The following MSRA variants were observed in gnomAD, a reference collection of about 807,000 sequenced individuals.
MSRA encodes the protein methionine sulfoxide reductase A.
A neutral mutation model predicts 31.3 loss-of-function variants in MSRA; 54 were observed. The observed-to-expected ratio is 1.73, with a 90% CI of 1.39 to 2.17. MSRA has a LOEUF of 2.17. Ranked by LOEUF, MSRA falls within the 30% of genes most tolerant of loss-of-function variation. The pLI is 0.00. For missense variants in MSRA, 507 were observed against 300.9 expected, an observed-to-expected ratio of 1.69 and a Z score of -5.07; for synonymous variants, 169 against 116.5, an observed-to-expected ratio of 1.45 and a Z score of -2.90.
intron 3 of MSRA, among the ~76,000 whole-genome samples, chr8:10,251,435 G>A (rs181863536): frequency 6.6e-6 from 1 of 152,138 alleles, no homozygotes; most frequent in East Asian, 1.9e-4. Flanking sequence ...TGTCAGTCAA[G>A]GTAAATTACT....
chr8:10,183,831 G>T (rs960764546), intron 1 of MSRA, among the ~76,000 whole-genome samples: 2 of 151,726 alleles, frequency 1.3e-5, no homozygotes, highest in Admixed American at 1.3e-4. Flanking sequence ...TGCTGCTGCT[G>T]GTGGTATTGG....
intron 2 of MSRA, among the ~76,000 whole-genome samples, chr8:10,227,066 C>T (rs59910171): frequency 6.6e-6 from 1 of 152,072 alleles, no homozygotes; most frequent in Non-Finnish European, 1.5e-5. Flanking sequence ...TGGGGAGCAG[C>T]TGTGGCTCCA....
chr8:10,178,134 A>G (rs1806215186), intron 1 of MSRA, among the ~76,000 whole-genome samples: 1 of 152,234 alleles, frequency 6.6e-6, no homozygotes, highest in Admixed American at 6.5e-5. Flanking sequence ...TCTTATTTGT[A>G]AAGAGGCTGC....
At position 10,245,033 on chromosome 8, in the gene MSRA, T is replaced by G. The variant is rs1321659270; in HGVS notation, c.212-71T>G. On this transcript the variant is annotated intron_variant, in intron 2 of 5. Coordinates refer to ENST00000317173, the MANE Select transcript of MSRA (RefSeq NM_012331.5). ...TTTTTTTTTCTTCATGTAACAGGTGTATGTGGATGTGCAATGACCACTTTG... is the reference window on the plus strand; with the variant it reads ...TTTTTTTTTCTTCATGTAACAGGTGGATGTGGATGTGCAATGACCACTTTG... The G allele has an allele frequency of 4.1e-6, 6 of 1,469,372 alleles. No individual in the cohort carries two copies. In the African/African-American group the frequency reaches 8.5e-5, roughly 21 times the overall value. The allele number at this position is 1,469,372 out of a possible 1,614,324, so 91.0% of individuals were successfully genotyped here.
intron 1 of MSRA, among the ~76,000 whole-genome samples, chr8:10,099,620 AAG>A (rs1430514097): frequency 6.6e-6 from 1 of 152,238 alleles, no homozygotes; most frequent in Non-Finnish European, 1.5e-5. Context: ...TTATTTGACT[AAG>A]AGAGTGTTTT....
Position 10,155,769 on chromosome 8 carries a change from G to C in MSRA, c.143-52064G>C, listed in dbSNP as rs866696267. On this transcript the variant is annotated intron_variant, in intron 1 of 5. Coordinates refer to ENST00000317173, the MANE Select transcript of MSRA (RefSeq NM_012331.5). ...ATAAGTACATTAAAAAAACCCATATGAGTCCACAGTGATGAGAGTTGGGCT... is the reference window on the plus strand; with the variant it reads ...ATAAGTACATTAAAAAAACCCATATCAGTCCACAGTGATGAGAGTTGGGCT... Among the ~76,000 whole-genome samples, 7 of 152,202 alleles carry C rather than the reference G, an allele frequency of 4.6e-5. 1 individual carries two copies. In the Middle Eastern group the frequency reaches 0.014, roughly 296 times the overall value.
intron 3 of MSRA, chr8:10,250,449 A>G: frequency 1.4e-6 from 1 of 702,508 alleles, no homozygotes; most frequent in East Asian, 2.7e-5. Flanking sequence ...CATGTTTATT[A>G]GTCTATTCAA....
chr8:10,212,200 T>A (rs892562968), intron 2 of MSRA, among the ~76,000 whole-genome samples: 13 of 151,218 alleles, frequency 8.6e-5, no homozygotes, highest in Admixed American at 3.3e-4. Flanking sequence ...AAAAAAAAAA[T>A]TTAAACTTTA....
chr8:10,313,548 T>C (rs1289896798), intron 4 of MSRA, among the ~76,000 whole-genome samples: 2 of 151,940 alleles, frequency 1.3e-5, no homozygotes, highest in Non-Finnish European at 2.9e-5. Flanking sequence ...AGATCTAATA[T>C]TGGGTCTTGT....
intron 5 of MSRA, among the ~76,000 whole-genome samples, chr8:10,333,099 TAGTAGAAGTAC>T (rs1396687758): frequency 3.9e-5 from 6 of 152,226 alleles, no homozygotes; most frequent in African/African-American, 1.4e-4. Context: ...TTTTTGATTT[TAGTAGAAGTAC>T]AGTAGAAGTA....
intron 1 of MSRA, among the ~76,000 whole-genome samples, chr8:10,122,961 T>G (rs1280319791): frequency 5.3e-5 from 8 of 152,228 alleles, no homozygotes; most frequent in African/African-American, 1.7e-4. Flanking sequence ...ATTCTACATC[T>G]TTGCTATTGT....
Position 10,054,366 on chromosome 8 carries a change from T to C in MSRA, c.-151T>C. Reference sequence around the variant, plus strand: ...TGGGCAACCTCGATTACGGGCGGCCTCCAGCCCCGCCAGCAGCGCCCCGCG... The same window carrying C: ...TGGGCAACCTCGATTACGGGCGGCCCCCAGCCCCGCCAGCAGCGCCCCGCG... On this transcript the variant is annotated 5_prime_UTR_variant, in exon 1 of 6. Coordinates refer to ENST00000317173, the MANE Select transcript of MSRA (RefSeq NM_012331.5). The C allele has an allele frequency of 1.3e-6, 1 of 753,164 alleles. No individual in the cohort carries two copies. The highest frequency in any genetic ancestry group is 3.9e-5 in the East Asian group (1 of 25,360). 46.7% of individuals were successfully genotyped at this position (753,164 alleles called of 1,614,324 possible).
intron 1 of MSRA, among the ~76,000 whole-genome samples, chr8:10,092,667 G>A (rs1173402768): frequency 1.3e-5 from 2 of 149,266 alleles, no homozygotes; most frequent in African/African-American, 2.6e-5. Flanking sequence ...TTCTGCTCTT[G>A]TTGGGTAGAT....
At chr8:10,183,248 G>C (rs1420347070) in intron 1 of MSRA, among the ~76,000 whole-genome samples, 1 of 152,218 alleles carries the variant, frequency 6.6e-6, no homozygotes, top group Non-Finnish European at 1.5e-5. Context: ...ACACTAGGAT[G>C]TAGGAGGTGA....
intron 5 of MSRA, among the ~76,000 whole-genome samples, chr8:10,374,339 T>C (rs1025271047): frequency 2.4e-4 from 37 of 152,004 alleles, no homozygotes; most frequent in African/African-American, 8.2e-4. Flanking sequence ...CCAGCGGGAG[T>C]GGGAAGACCC....
At chr8:10,144,895 A>G (rs1803008980) in intron 1 of MSRA, among the ~76,000 whole-genome samples, 1 of 151,908 alleles carries the variant, frequency 6.6e-6, no homozygotes, top group African/African-American at 2.4e-5. Context: ...AAACCCCATG[A>G]TTATTGCCAT....
At chr8:10,188,317 A>G (rs779815896) in intron 1 of MSRA, among the ~76,000 whole-genome samples, 32 of 152,362 alleles carry the variant, frequency 2.1e-4, no homozygotes, top group African/African-American at 4.3e-4. Flanking sequence ...ACACAGATCT[A>G]TAGAACTGTT....
At chr8:10,146,455 A>T (rs1311050353) in intron 1 of MSRA, among the ~76,000 whole-genome samples, 1 of 152,182 alleles carries the variant, frequency 6.6e-6, no homozygotes, top group African/African-American at 2.4e-5. Flanking sequence ...AACTGTGAGT[A>T]AAACAGCTGC....
intron 5 of MSRA, among the ~76,000 whole-genome samples, chr8:10,341,339 C>T (rs1310783379): frequency 1.3e-5 from 2 of 152,010 alleles, no homozygotes; most frequent in African/African-American, 4.8e-5. Flanking sequence ...AAAGCAGGAG[C>T]AAGGGAGAGA....
Sources: allele counts gnomAD v4.1 joint callset (sites outside exome capture counted in the v4.1 genomes callset), GRCh38; gene constraint gnomAD v4.1.1; transcripts MANE v1.5; gene names NCBI Gene and HGNC (gene_info 2026-07-23, HGNC 2026-07-21).